The following GFOD2 variants were observed in gnomAD, a reference collection of about 807,000 sequenced individuals.
The protein encoded by GFOD2 is Gfo/Idh/MocA-like oxidoreductase domain containing 2.
Under a neutral mutation model 24.6 loss-of-function variants are expected in GFOD2, and 9 were observed. The observed-to-expected ratio is 0.37, with a 90% CI of 0.22 to 0.64. GFOD2 has a LOEUF of 0.64. GFOD2 is among the 30% of genes least tolerant of loss of function. The pLI is 0.65. For synonymous variants in GFOD2, 211 were observed against 224.8 expected (o/e 0.94, Z 0.55); for missense variants, 476 against 532.5 (o/e 0.89, Z 1.04).
chr16:67,686,616 G>A (rs1217291747), intron 1 of GFOD2, among the ~76,000 whole-genome samples: 1 of 151,822 alleles, frequency 6.6e-6, no homozygotes, highest in Non-Finnish European at 1.5e-5. Context: ...GATCACCTGA[G>A]GTAAGGAGTT....
intron 1 of GFOD2, among the ~76,000 whole-genome samples, chr16:67,703,271 C>T (rs1441677495): frequency 2.6e-5 from 4 of 152,006 alleles, no homozygotes; most frequent in Admixed American, 6.6e-5. Flanking sequence ...GGCATGGTGG[C>T]GCATGCCTGT....
chr16:67,697,793 A>AATCT (rs1156921945), intron 1 of GFOD2, among the ~76,000 whole-genome samples: 2 of 152,184 alleles, frequency 1.3e-5, no homozygotes, highest in South Asian at 4.1e-4. Context: ...AACCAATACT[A>AATCT]ATCTGGTCAA....
intron 1 of GFOD2, among the ~76,000 whole-genome samples, chr16:67,707,249 T>C (rs2053445107): frequency 6.7e-6 from 1 of 150,244 alleles, no homozygotes; most frequent in Non-Finnish European, 1.5e-5. Flanking sequence ...TCCCAGCTAC[T>C]CAGGAGGCTA....
rs897692767 is a variant in GFOD2, at chr16:67,681,369, C to T, written c.259+4088G>A. The T allele has an allele frequency of 6.1e-6, 6 of 985,190 alleles. No individual in the cohort carries two copies. In the East Asian group the frequency reaches 5.7e-4, roughly 93 times the overall value. 61.0% of individuals were successfully genotyped at this position (985,190 alleles called of 1,614,324 possible). On this transcript the variant is annotated intron_variant, in intron 2 of 2. Coordinates refer to ENST00000268797, the MANE Select transcript of GFOD2 (RefSeq NM_030819.4). ...TAGGATAAGGAATTCCTGTTTCATG[C>T]CTCAAGAGGTGAGGAAAGAGGGAAA...
At chr16:67,708,908 G>C (rs2053455467) in intron 1 of GFOD2, among the ~76,000 whole-genome samples, 1 of 152,140 alleles carries the variant, frequency 6.6e-6, no homozygotes, top group South Asian at 2.1e-4. Flanking sequence ...ATTTTTCTGT[G>C]AATTCTTTTC....
At chr16:67,712,410 C>T (rs2053481191) in intron 1 of GFOD2, among the ~76,000 whole-genome samples, 1 of 141,204 alleles carries the variant, frequency 7.1e-6, no homozygotes, top group Admixed American at 7.0e-5. Context: ...CTCAGCCTGC[C>T]GAGTGCCTGC....
At chr16:67,678,058 C>T (rs2053195520) in intron 2 of GFOD2, among the ~76,000 whole-genome samples, 1 of 152,240 alleles carries the variant, frequency 6.6e-6, no homozygotes, top group Non-Finnish European at 1.5e-5. Flanking sequence ...CAGGGTGCAG[C>T]TTACCCTGAT....
intron 1 of GFOD2, among the ~76,000 whole-genome samples, chr16:67,692,946 C>T (rs2053326797): frequency 6.7e-6 from 1 of 150,206 alleles, no homozygotes; most frequent in South Asian, 2.2e-4. Flanking sequence ...GGGAGAATGG[C>T]GTGAACCCAG....
chr16:67,679,518 C>A (rs940367672), intron 2 of GFOD2, among the ~76,000 whole-genome samples: 1 of 152,006 alleles, frequency 6.6e-6, no homozygotes, highest in Non-Finnish European at 1.5e-5. Flanking sequence ...CGTGAGCCAC[C>A]GCGTCGGCCC....
rs745342956 is a variant in GFOD2, at chr16:67,675,275, G to A, written c.1038C>T (p.Ser346=). The change falls in exon 3 of 3, where the codon AGC becomes AGT. Residue 346 remains serine, a synonymous_variant. Transcript: ENST00000268797. ...ASFEDGLYMQ[S]VVDAIKRSSR... is the part of the protein sequence containing the mutation. ...TCGACCTCTTGATGGCATCCACCAC[G>A]CTCTGCATGTACAGCCCATCCTCGA... 2.5e-5 allele frequency: 40 copies of A among 1,612,742 alleles called. No individual in the cohort carries two copies. The highest frequency in any genetic ancestry group is 3.3e-5 in the South Asian group (3 of 91,088).
In GFOD2 at chr16:67,676,024, C is replaced by A; in HGVS notation, c.289G>T (p.Ala97Ser). 6.2e-7 allele frequency: 1 copy of A among 1,612,740 alleles called. No individual in the cohort carries two copies. Among genetic ancestry groups the A allele is most frequent in the South Asian group, 1.1e-5 (1 of 90,942 alleles). Residue 97 changes from alanine (A) to serine (S), a missense_variant, in exon 3 of 3, where the codon GCA (alanine) becomes TCA (serine). Ala to Ser is a moderately conservative substitution (Grantham distance 99, BLOSUM62 1). Coordinates refer to ENST00000268797, the MANE Select transcript of GFOD2 (RefSeq NM_030819.4). ...GIGKNVVCEK[A>S]ATSVDAFRMV... Reference sequence around the variant, plus strand: ...CGGAAGGCATCCACCGATGTTGCTGCCTTCTCGCAAACCACATTCTTCCCA... The same window carrying A: ...CGGAAGGCATCCACCGATGTTGCTGACTTCTCGCAAACCACATTCTTCCCA...
At chr16:67,680,111 G>T (rs565608730) in intron 2 of GFOD2, among the ~76,000 whole-genome samples, 62 of 152,290 alleles carry the variant, frequency 4.1e-4, no homozygotes, top group African/African-American at 1.2e-3. Context: ...GCCCAGGCTG[G>T]TCTCAAACTC....
rs940491371 is a variant in GFOD2 at position 67,719,219 on chromosome 16, G to C, written c.-144C>G. On this transcript the variant is annotated 5_prime_UTR_variant, in exon 1 of 3. Coordinates refer to ENST00000268797, the MANE Select transcript of GFOD2 (RefSeq NM_030819.4). The stretch of plus-strand genomic sequence containing the variant: ...CACTGGAAACCATGGGTCCGACGGG[G>C]TCTCGGGGGCCACCCATCCGCCTTA... 1 of 152,246 alleles carries C rather than the reference G, an allele frequency of 6.6e-6. No individual in the cohort carries two copies. Among genetic ancestry groups the C allele is most frequent in the African/African-American group, 2.4e-5 (1 of 41,464 alleles). The allele number at this position is 152,246 out of a possible 1,614,324, so 9.4% of individuals were successfully genotyped here.
At position 67,676,297 on chromosome 16, in the gene GFOD2, T is replaced by A. The variant is rs867202230; in HGVS notation, c.260-244A>T. The A allele has an allele frequency of 1.7e-4, 84 of 482,802 alleles. No individual in the cohort carries two copies. The East Asian group carries it at 2.1e-3, about 12-fold the overall frequency. 29.9% of individuals were successfully genotyped at this position (482,802 alleles called of 1,614,324 possible). ...TGTGTACCACCACGCCTGGCTAATT[T>A]AAAATTTTTTTTTTGTAGAGATGGG... On this transcript the variant is annotated intron_variant, in intron 2 of 2. Coordinates refer to ENST00000268797, the MANE Select transcript of GFOD2 (RefSeq NM_030819.4).
chr16:67,685,892 G>T, intron 1 of GFOD2, 90 bp from the exon 2 acceptor site: 1 of 721,014 alleles, frequency 1.4e-6, no homozygotes, highest in Non-Finnish European at 2.2e-6. Flanking sequence ...GTCTCGCTCT[G>T]TTGCCCAAGC....
intron 2 of GFOD2, chr16:67,677,559 C>G (rs2053192685): frequency 6.6e-6 from 1 of 152,298 alleles, no homozygotes; most frequent in African/African-American, 2.4e-5. Flanking sequence ...CTCTCGGTTG[C>G]TCATCCTGCT....
intron 1 of GFOD2, among the ~76,000 whole-genome samples, chr16:67,686,461 TATA>T (rs1370243987): frequency 4.6e-5 from 7 of 152,150 alleles, no homozygotes; most frequent in African/African-American, 1.7e-4. Flanking sequence ...GCCTTAAATG[TATA>T]ATAAGGGGAG....
chr16:67,689,123 TCC>T, intron 1 of GFOD2, among the ~76,000 whole-genome samples: 1 of 151,238 alleles, frequency 6.6e-6, no homozygotes, highest in East Asian at 2.0e-4. Context: ...TACTGCAACC[TCC>T]CCCTCCTGGT....
chr16:67,686,326 A>ATCT (rs756270463), intron 1 of GFOD2, among the ~76,000 whole-genome samples: 1 of 152,096 alleles, frequency 6.6e-6, no homozygotes, highest in Non-Finnish European at 1.5e-5. Context: ...ACACTGCAGA[A>ATCT]TCTTCTTCTT....
Sources: gnomAD v4.1 joint callset for allele counts (sites outside exome capture counted in the v4.1 genomes callset) on GRCh38, gnomAD v4.1.1 for gene constraint, MANE v1.5 for transcripts, NCBI Gene and HGNC (gene_info 2026-07-23, HGNC 2026-07-21) for gene names.